Variants in HTT observed in about 807,000 individuals in gnomAD.
The protein encoded by HTT is huntington disease protein.
A neutral mutation model predicts 362.3 loss-of-function variants in HTT; 104 were observed. That is an observed-to-expected ratio of 0.29 (90% CI 0.24 to 0.34). The LOEUF is 0.34. HTT is among the 10% of genes least tolerant of loss of function. The probability of loss-of-function intolerance (pLI) is 1.00; values close to 1 mark genes in which losing one functional copy is unlikely to be tolerated. For missense variants in HTT, 3,301 were observed against 3,928.6 expected, an observed-to-expected ratio of 0.84 and a Z score of 4.27; for synonymous variants, 1,577 against 1,548.7, an observed-to-expected ratio of 1.02 and a Z score of -0.43.
At position 3,142,816 on chromosome 4, in the gene HTT, A is replaced by G. The variant is rs1225366152; in HGVS notation, c.2996A>G (p.Glu999Gly). The G allele has an allele frequency of 1.3e-6, 2 of 1,596,738 alleles. No homozygotes were observed. The highest frequency in any genetic ancestry group is 1.1e-5 in the South Asian group (1 of 90,674). ...CCAAGCATAACAGACGTCACTATGG[A>G]AAATAACCTTTCAAGAGTTATTGCA... ...LLPSITDVTM[E>G]NNLSRVIAAV... The change falls in exon 23 of 67, where the codon GAA becomes GGA. Residue 999 changes from glutamate (E) to glycine (G), a missense_variant. By Grantham distance (98) the Glu-to-Gly change is moderately conservative. This residue lies in a region of HTT where 2,316 missense variants were observed against 2,658.5 expected (regional missense o/e 0.87). Transcript: ENST00000355072.
At chr4:3,185,879 C>G (rs1018108615) in intron 37 of HTT, among the ~76,000 whole-genome samples, 1 of 150,656 alleles carries the variant, frequency 6.6e-6, no homozygotes, top group African/African-American at 2.4e-5. Context: ...GAGTGAGACT[C>G]TGTTAGAAAG....
Position 3,235,391 on chromosome 4 carries a change from T to C in HTT, c.8564T>C (p.Ile2855Thr), listed in dbSNP as rs1443249118. 1 of 1,603,354 alleles carries C rather than the reference T, an allele frequency of 6.2e-7. No individual in the cohort carries two copies. The highest frequency in any genetic ancestry group is 1.7e-5 in the Admixed American group (1 of 60,014). The change falls in exon 62 of 67, where the codon ATA (isoleucine) becomes ACA (threonine). Residue 2855 changes from isoleucine (I) to threonine (T), a missense_variant. Coordinates refer to ENST00000355072, the MANE Select transcript of HTT (RefSeq NM_001388492.1). ...GTAGGGCCGGAATTTTCAGCATCAA[T>C]AATACAGGTGAGTGGGCCCTGGCTG... ...LDVGPEFSAS[I>T]IQMCGVMLSG... is the part of the protein sequence containing the mutation.
chr4:3,169,665 C>G (rs1218654331), intron 29 of HTT, among the ~76,000 whole-genome samples: 1 of 152,032 alleles, frequency 6.6e-6, no homozygotes, highest in Non-Finnish European at 1.5e-5. Context: ...CCTCCACCTC[C>G]CAGGCTCAAG....
rs146985192 is a variant in HTT at position 3,235,964 on chromosome 4, T to C, written c.8786-185T>C. Among the ~76,000 whole-genome samples the C allele has an allele frequency of 4.0e-3, 603 of 152,282 alleles. 3 individuals are homozygous for C. The highest frequency in any genetic ancestry group is 8.6e-3 in the African/African-American group (357 of 41,562). On this transcript the variant is annotated intron_variant, in intron 63 of 66. Transcript: ENST00000355072. Reference sequence around the variant, plus strand: ...CCAGGGCTGGAGTACCTGGTCAGGGTTGACCGTCCCTGTGGTCACTCATCC... The same window carrying C: ...CCAGGGCTGGAGTACCTGGTCAGGGCTGACCGTCCCTGTGGTCACTCATCC...
At chr4:3,221,204 C>G (rs1356365697) in intron 53 of HTT, among the ~76,000 whole-genome samples, 1 of 152,120 alleles carries the variant, frequency 6.6e-6, no homozygotes, top group East Asian at 1.9e-4. Context: ...TGTTTGGATC[C>G]CAGAAGGTTG....
chr4:3,199,324 G>A (rs551074264), intron 40 of HTT, among the ~76,000 whole-genome samples: 5 of 152,212 alleles, frequency 3.3e-5, no homozygotes, highest in Non-Finnish European at 4.4e-5. Context: ...GGTGGATCAC[G>A]AGCTCAGGAG....
intron 1 of HTT, among the ~76,000 whole-genome samples, chr4:3,077,774 A>G (rs773937808): frequency 5.3e-5 from 8 of 152,136 alleles, no homozygotes; most frequent in Non-Finnish European, 1.2e-4. Context: ...CATTAGGTTT[A>G]TTTATAGTTT....
chr4:3,193,132 C>T (rs1474742033), intron 40 of HTT, among the ~76,000 whole-genome samples: 1 of 152,238 alleles, frequency 6.6e-6, no homozygotes, highest in Non-Finnish European at 1.5e-5. Context: ...GCCGGTAGGG[C>T]CCGGCCGCAC....
intron 2 of HTT, among the ~76,000 whole-genome samples, chr4:3,089,797 G>A (rs1713406299): frequency 1.3e-5 from 2 of 152,280 alleles, no homozygotes; most frequent in Admixed American, 1.3e-4. Context: ...AGTATGTTGA[G>A]ACATCTTAAG....
At chr4:3,225,531 C>T (rs1273150725) in intron 56 of HTT, 130 bp from the exon 57 acceptor site, 6 of 702,258 alleles carry the variant, frequency 8.5e-6, no homozygotes, top group Non-Finnish European at 1.5e-5. Context: ...CTGGGCCCTC[C>T]TGCCAGTGGC....
intron 2 of HTT, among the ~76,000 whole-genome samples, chr4:3,087,585 A>T (rs1411802190): frequency 2.0e-5 from 3 of 152,058 alleles, no homozygotes; most frequent in Non-Finnish European, 4.4e-5. Flanking sequence ...TATCTTTCTG[A>T]CCGTTGTTCC....
chr4:3,182,917 C>G (rs1194852897), intron 37 of HTT, among the ~76,000 whole-genome samples: 1 of 152,162 alleles, frequency 6.6e-6, no homozygotes. Context: ...GGGTCTCACT[C>G]TGTCACCCAG....
At chr4:3,165,520 C>G (rs779389402) in intron 29 of HTT, among the ~76,000 whole-genome samples, 17 of 152,136 alleles carry the variant, frequency 1.1e-4, no homozygotes, top group Non-Finnish European at 1.2e-4. Flanking sequence ...TAACTTGGTT[C>G]TATTCTCCCC....
At chr4:3,093,952 G>A (rs1553910799) in intron 2 of HTT, among the ~76,000 whole-genome samples, 1 of 100,344 alleles carries the variant, frequency 1.0e-5, no homozygotes, top group Non-Finnish European at 2.1e-5. Context: ...TCATTCTTGG[G>A]TGTTTCTTGG....
At position 3,142,737 on chromosome 4, in the gene HTT, A is replaced by G; in HGVS notation, c.2946-29A>G. On this transcript the variant is annotated intron_variant, in intron 22 of 66. Transcript: ENST00000355072. ...TTAAAAATATATGTTTTAATAGTGTATTTTAAGTCTCTATATTTTTGTTAT... is the reference window on the plus strand; with the variant it reads ...TTAAAAATATATGTTTTAATAGTGTGTTTTAAGTCTCTATATTTTTGTTAT... The G allele has an allele frequency of 2.5e-6, 3 of 1,208,438 alleles. No homozygotes were observed. The South Asian group carries it at 3.8e-5, about 16-fold the overall frequency. The allele number at this position is 1,208,438 out of a possible 1,614,324, so 74.9% of individuals were successfully genotyped here.
chr4:3,135,241 T>TA (rs1243297554), intron 19 of HTT, among the ~76,000 whole-genome samples: 3 of 151,722 alleles, frequency 2.0e-5, no homozygotes, highest in Non-Finnish European at 4.4e-5. Flanking sequence ...TTGTTGCAAT[T>TA]AAAAAACGTG....
At position 3,074,876 on chromosome 4, in the gene HTT, CCAGCAGCAG is replaced by C. The variant is rs71180116; in HGVS notation, c.102_110del (p.Gln36_Gln38del). On this transcript the variant is annotated inframe_deletion, in exon 1 of 67. Coordinates refer to ENST00000355072, the MANE Select transcript of HTT (RefSeq NM_001388492.1). ...AGGCCTTCGAGTCCCTCAAGTCCTT[CCAGCAGCAG>C]CAGCAGCAGCAGCAGCAGCAGCAGC... The C allele has an allele frequency of 0.033, 44,070 of 1,329,742 alleles. 1,052 individuals are homozygous for C. The highest frequency in any genetic ancestry group is 0.078 in the African/African-American group (4,739 of 61,142). 82.4% of individuals were successfully genotyped at this position (1,329,742 alleles called of 1,614,324 possible).
rs1261700614 is a variant in HTT at position 3,241,640 on chromosome 4, T to C, written c.*1581T>C. 6.6e-5 allele frequency: 10 copies of C among 152,326 alleles called. No homozygotes were observed. Among genetic ancestry groups the C allele is most frequent in the Admixed American group, 6.5e-4 (10 of 15,288 alleles). The allele number at this position is 152,326 out of a possible 1,614,324, so 9.4% of individuals were successfully genotyped here. ...GTAAGTGGAGGAAATGTTGGAACTC[T>C]GTGCAGGTGCTGCCTTGAGACCCCC... On this transcript the variant is annotated 3_prime_UTR_variant, in exon 67 of 67. Coordinates refer to ENST00000355072, the MANE Select transcript of HTT (RefSeq NM_001388492.1).
At chr4:3,193,441 A>T (rs1719108654) in intron 40 of HTT, among the ~76,000 whole-genome samples, 1 of 152,246 alleles carries the variant, frequency 6.6e-6, no homozygotes, top group Non-Finnish European at 1.5e-5. Flanking sequence ...ATTTGATGCC[A>T]GGAGGAGACA....
Sources: allele counts gnomAD v4.1 joint callset (sites outside exome capture counted in the v4.1 genomes callset), GRCh38; gene constraint gnomAD v4.1.1; regional missense constraint gnomAD v4.1.1; transcripts MANE v1.5; gene names NCBI Gene and HGNC (gene_info 2026-07-23, HGNC 2026-07-21).